LRRK1: variants seen among roughly 807,000 people sequenced by gnomAD.
LRRK1 encodes leucine-rich repeat serine/threonine-protein kinase 1.
LRRK1 carries 113 observed loss-of-function variants against 209.1 expected under a neutral mutation model. The ratio of observed to expected loss-of-function variants is 0.54; its 90% confidence interval spans 0.46 to 0.63. The LOEUF (loss-of-function observed/expected upper bound fraction) is 0.63. Among genes scored for constraint, LRRK1 ranks in the 30% least tolerant of loss-of-function variants. The pLI is 0.00. For synonymous variants in LRRK1, 1,144 were observed against 1,099.7 expected, an observed-to-expected ratio of 1.04 and a Z score of -0.80; for missense variants, 2,284 against 2,632.2, an observed-to-expected ratio of 0.87 and a Z score of 2.89.
intron 2 of LRRK1, among the ~76,000 whole-genome samples, chr15:100,926,109 A>G (rs2042105224): frequency 6.6e-6 from 1 of 152,238 alleles, no homozygotes; most frequent in Admixed American, 6.5e-5. Context: ...TCACATTATG[A>G]AATGGGAAAC....
rs2035588745 is a variant in LRRK1 at position 101,053,339 on chromosome 15, A to G, written c.3973A>G (p.Ile1325Val). The G allele has an allele frequency of 1.2e-6, 2 of 1,603,800 alleles. No homozygotes were observed. The highest frequency in any genetic ancestry group is 2.2e-5 in the East Asian group (1 of 44,878). ...QHPCIVALIG[I>V]SIHPLCFALE... ...CCCCTGCATCGTGGCGCTCATCGGC[A>G]TCAGCATCCACCCGCTCTGCTTCGC... Residue 1325 changes from isoleucine to valine, a missense_variant, in exon 26 of 34, where the codon ATC (isoleucine) becomes GTC (valine). This residue lies in a region of LRRK1 where 780 missense variants were observed against 985.2 expected (regional missense o/e 0.79). Coordinates refer to ENST00000388948, the MANE Select transcript of LRRK1 (RefSeq NM_024652.6).
chr15:100,978,271 C>T (rs1348359381), intron 3 of LRRK1, among the ~76,000 whole-genome samples: 3 of 152,048 alleles, frequency 2.0e-5, no homozygotes, highest in South Asian at 4.1e-4. Flanking sequence ...ACAGAAGATC[C>T]AACAGTCATG....
intron 4 of LRRK1, among the ~76,000 whole-genome samples, chr15:100,986,129 C>T (rs1281512022): frequency 6.6e-6 from 1 of 152,108 alleles, no homozygotes; most frequent in East Asian, 1.9e-4. Context: ...TGGCTTAAGC[C>T]CAGGAGTCCA....
At chr15:100,967,329 T>C (rs2141644001) in intron 2 of LRRK1, among the ~76,000 whole-genome samples, 1 of 152,338 alleles carries the variant, frequency 6.6e-6, no homozygotes, top group East Asian at 1.9e-4. Flanking sequence ...GACACAATAA[T>C]CTCCACTCAG....
intron 28 of LRRK1, among the ~76,000 whole-genome samples, chr15:101,057,298 A>AAAG (rs544517701): frequency 9.3e-4 from 141 of 152,118 alleles, no homozygotes; most frequent in African/African-American, 2.9e-3. Context: ...CCGTGCAAAC[A>AAAG]AAGTATATAA....
intron 2 of LRRK1, among the ~76,000 whole-genome samples, chr15:100,951,973 T>A (rs1417185141): frequency 6.7e-6 from 1 of 149,142 alleles, no homozygotes; most frequent in African/African-American, 2.5e-5. Flanking sequence ...AAAATAATAA[T>A]AATAATAATA....
intron 26 of LRRK1, among the ~76,000 whole-genome samples, chr15:101,054,100 T>A (rs1039664909): frequency 6.6e-6 from 1 of 152,102 alleles, no homozygotes; most frequent in Non-Finnish European, 1.5e-5. Flanking sequence ...CACCGCAACT[T>A]CCCGAGTAGC....
intron 2 of LRRK1, among the ~76,000 whole-genome samples, chr15:100,963,508 AGGCCTGTG>A (rs2030225560): frequency 6.6e-6 from 1 of 152,114 alleles, no homozygotes; most frequent in Admixed American, 6.5e-5. Flanking sequence ...TCCAGTCCCC[AGGCCTGTG>A]CTGGCCCTTG....
chr15:100,956,455 C>CTTTTTTTTTTT lies in LRRK1; in HGVS notation c.98-17341_98-17331dup, dbSNP rs776326423. 7.4e-4 allele frequency among the ~76,000 whole-genome samples: 45 copies of CTTTTTTTTTTT among 60,410 alleles called. 1 individual carries two copies. The highest frequency in any genetic ancestry group is 1.0e-3 in the Admixed American group (5 of 5,002). 39.6% of individuals were successfully genotyped at this position (60,410 alleles called of 152,430 possible). A position where few individuals can be genotyped will look rare whatever the true frequency, so the allele number is the denominator to read the frequency against. ...TTCGCTTTTCTTTCCTTTTTTTTTT[C>CTTTTTTTTTTT]TTTTTTTTTTTTTTTTTTGAGACAG... On this transcript the variant is annotated intron_variant, in intron 2 of 33. Transcript: ENST00000388948.
At chr15:100,951,489 A>G (rs916461995) in intron 2 of LRRK1, among the ~76,000 whole-genome samples, 1 of 152,182 alleles carries the variant, frequency 6.6e-6, no homozygotes, top group Non-Finnish European at 1.5e-5. Flanking sequence ...AAACTTGCAC[A>G]TAAGTGATCA....
rs184588957 is a variant in LRRK1, at chr15:100,996,562, C to T, written c.762+7164C>T. On this transcript the variant is annotated intron_variant, in intron 6 of 33. Transcript: ENST00000388948. ...TTGTCCCACACATGCCCATTTTCTC[C>T]AGGTTCCAAATACTGAAGCTTTCCC... Among the ~76,000 whole-genome samples the T allele has an allele frequency of 9.8e-5, 15 of 152,332 alleles. 1 individual carries two copies. The highest frequency in any genetic ancestry group is 3.6e-4 in the African/African-American group (15 of 41,588).
intron 1 of LRRK1, among the ~76,000 whole-genome samples, chr15:100,924,278 G>C (rs1480281375): frequency 6.6e-6 from 1 of 152,156 alleles, no homozygotes; most frequent in African/African-American, 2.4e-5. Context: ...TTTTCCAATT[G>C]TCTGGGGTTT....
At chr15:101,047,437 C>T (rs2035146286) in intron 21 of LRRK1, among the ~76,000 whole-genome samples, 1 of 152,222 alleles carries the variant, frequency 6.6e-6, no homozygotes, top group African/African-American at 2.4e-5. Flanking sequence ...AAGGGAGGGT[C>T]ATGGAGCACT....
At chr15:100,951,691 C>T (rs1448915112) in intron 2 of LRRK1, among the ~76,000 whole-genome samples, 1 of 152,152 alleles carries the variant, frequency 6.6e-6, no homozygotes, top group East Asian at 1.9e-4. Context: ...GTGGCTCACA[C>T]CTGTAATCCC....
chr15:101,047,501 G>T (rs564279288), intron 21 of LRRK1, among the ~76,000 whole-genome samples: 1 of 152,264 alleles, frequency 6.6e-6, no homozygotes, highest in African/African-American at 2.4e-5. Flanking sequence ...CTGGAGGCCA[G>T]GGCGCCCTTC....
At chr15:100,978,918 A>G (rs1466748851) in intron 3 of LRRK1, among the ~76,000 whole-genome samples, 1 of 152,172 alleles carries the variant, frequency 6.6e-6, no homozygotes, top group Non-Finnish European at 1.5e-5. Context: ...CCCTGACACC[A>G]AAACCAAAGA....
At chr15:101,068,379 G>A (rs1193479006) in intron 33 of LRRK1, among the ~76,000 whole-genome samples, 1 of 152,152 alleles carries the variant, frequency 6.6e-6, no homozygotes, top group Admixed American at 6.5e-5. Flanking sequence ...AGTCAAGGAT[G>A]CATGATCTGA....
chr15:101,057,102 G>A (rs1251411254), intron 28 of LRRK1, 52 bp downstream of exon 28: 1 of 1,492,346 alleles, frequency 6.7e-7, no homozygotes. Context: ...ATGTGAGGAA[G>A]CTGTGGGTCC....
At chr15:101,007,653 T>C (rs962764292) in intron 6 of LRRK1, among the ~76,000 whole-genome samples, 22 of 152,190 alleles carry the variant, frequency 1.4e-4, no homozygotes, top group Admixed American at 1.0e-3. Context: ...CTCCGGGGCC[T>C]CCTGCCGGGA....
Sources: allele counts gnomAD v4.1 joint callset (sites outside exome capture counted in the v4.1 genomes callset), GRCh38; gene constraint gnomAD v4.1.1; regional missense constraint gnomAD v4.1.1; transcripts MANE v1.5; gene names NCBI Gene and HGNC (gene_info 2026-07-23, HGNC 2026-07-21).